Variants in ADGRB1 observed in about 807,000 individuals in gnomAD.
The protein encoded by ADGRB1 is brain-specific angiogenesis inhibitor 1.
Under a neutral mutation model 175.7 loss-of-function variants are expected in ADGRB1, and 36 were observed. The ratio of observed to expected loss-of-function variants is 0.20; its 90% confidence interval spans 0.16 to 0.27. The LOEUF (loss-of-function observed/expected upper bound fraction) is 0.27. ADGRB1 is among the 10% of genes least tolerant of loss of function. The pLI is 1.00. For synonymous variants in ADGRB1, 1,054 were observed against 979.4 expected (o/e 1.08, Z -1.42); for missense variants, 1,731 against 2,255.3 (o/e 0.77, Z 4.71).
rs568362718 is a variant in ADGRB1, at chr8:142,544,697, C to T, written c.*280C>T. The T allele has an allele frequency of 1.5e-4, 45 of 305,226 alleles. No homozygotes were observed. Among genetic ancestry groups the T allele is most frequent in the Admixed American group, 4.2e-4 (8 of 19,242 alleles). The allele number at this position is 305,226 out of a possible 1,614,324, so 18.9% of individuals were successfully genotyped here. ...GAGGCCCAGCGGGCAGATGGGCGGA[C>T]GGCTGTGGACCGTGGACAGGCCCAG... On this transcript the variant is annotated 3_prime_UTR_variant, in exon 31 of 31. Coordinates refer to ENST00000517894, the MANE Select transcript of ADGRB1 (RefSeq NM_001702.3).
At chr8:142,488,936 G>C in intron 14 of ADGRB1, 99 bp from the exon 15 acceptor site, 1 of 1,399,078 alleles carries the variant, frequency 7.1e-7, no homozygotes, top group South Asian at 1.3e-5. Flanking sequence ...TTGAAGATGG[G>C]CGGCAGATGC....
At chr8:142,470,092 G>A (rs1451139327) in intron 2 of ADGRB1, among the ~76,000 whole-genome samples, 3 of 152,154 alleles carry the variant, frequency 2.0e-5, no homozygotes, top group East Asian at 1.9e-4. Context: ...ACATGGCCAC[G>A]TCACGCGTCA....
chr8:142,535,694 G>A (rs1001292999), intron 25 of ADGRB1, among the ~76,000 whole-genome samples: 8 of 152,180 alleles, frequency 5.3e-5, no homozygotes, highest in Non-Finnish European at 7.4e-5. Context: ...AGGCTGGCTC[G>A]GGTGTTCCTG....
intron 6 of ADGRB1, among the ~76,000 whole-genome samples, chr8:142,477,791 A>AG (rs886219616): frequency 6.6e-6 from 1 of 151,896 alleles, no homozygotes; most frequent in African/African-American, 2.4e-5. Context: ...CCCATATCCC[A>AG]GGCTGGATGT....
At chr8:142,480,554 G>A (rs1035266289) in intron 9 of ADGRB1, among the ~76,000 whole-genome samples, 1 of 152,238 alleles carries the variant, frequency 6.6e-6, no homozygotes, top group Non-Finnish European at 1.5e-5. Flanking sequence ...AAAGAAGCAC[G>A]TGAATGCCGC....
intron 24 of ADGRB1, among the ~76,000 whole-genome samples, chr8:142,530,213 T>C (rs1219019820): frequency 6.6e-6 from 1 of 151,866 alleles, no homozygotes; most frequent in Non-Finnish European, 1.5e-5. Context: ...AATGTGTTTA[T>C]AGGTGAGTGT....
At position 142,484,776 on chromosome 8, in the gene ADGRB1, C is replaced by T. The variant is rs373154706; in HGVS notation, c.2308+12C>T. On this transcript the variant is annotated intron_variant, in intron 13 of 30. Coordinates refer to ENST00000517894, the MANE Select transcript of ADGRB1 (RefSeq NM_001702.3). Reference sequence around the variant, plus strand: ...GACAGACAACCTGGGTAAGCCTGCCCGCCTGCTGCCACCCCCCATGCCTTG... The same window carrying T: ...GACAGACAACCTGGGTAAGCCTGCCTGCCTGCTGCCACCCCCCATGCCTTG... 1.4e-5 allele frequency: 22 copies of T among 1,565,594 alleles called. No individual in the cohort carries two copies. The highest frequency in any genetic ancestry group is 1.2e-4 in the East Asian group (5 of 43,256).
rs925230900 is a variant in ADGRB1, at chr8:142,542,775, C to T, written c.4413+128C>T. ...GCTGGCTCTGCCTCCTAGCTACACC[C>T]CCCACCCCTGGCCCTGCTGGGTGTG... On this transcript the variant is annotated intron_variant, in intron 28 of 30. Transcript: ENST00000517894. The surrounding 1 kb of genome is among the most constrained non-coding windows in gnomAD (Gnocchi z 6.3). The T allele has an allele frequency of 4.7e-6, 4 of 846,580 alleles. No homozygotes were observed. In the African/African-American group the frequency reaches 5.4e-5, roughly 11 times the overall value. The allele number at this position is 846,580 out of a possible 1,614,324, so 52.4% of individuals were successfully genotyped here.
rs756113756 is a variant in ADGRB1, at chr8:142,510,994, C to T, written c.2738C>T (p.Pro913Leu). ...PWSWRGCRTV[P>L]LDALRTRCLC... is the part of the protein sequence containing the mutation. ...TCGTGGCGCGGCTGCCGCACGGTGC[C>T]CCTCGACGCCCTCCGGACGCGCTGC... is the stretch of plus-strand genomic sequence containing the variant. Residue 913 changes from proline to leucine, a missense_variant, in exon 18 of 31, where the codon CCC (proline) becomes CTC (leucine). Physicochemically the swap from Pro to Leu is moderately conservative, Grantham distance 98. This residue lies in a region of ADGRB1 where 77 missense variants were observed against 71.6 expected (regional missense o/e 1.08). Coordinates refer to ENST00000517894, the MANE Select transcript of ADGRB1 (RefSeq NM_001702.3). The surrounding 1 kb of genome is among the most constrained non-coding windows in gnomAD (Gnocchi z 6.3). 5 of 1,322,230 alleles carry T rather than the reference C, an allele frequency of 3.8e-6. No individual in the cohort carries two copies. Among genetic ancestry groups the T allele is most frequent in the Non-Finnish European group, 2.9e-6 (3 of 1,019,636 alleles). The allele number at this position is 1,322,230 out of a possible 1,614,324, so 81.9% of individuals were successfully genotyped here. A position where few individuals can be genotyped will look rare whatever the true frequency, so the allele number is the denominator to read the frequency against.
Position 142,486,914 on chromosome 8 carries a change from G to A in ADGRB1, c.2309-1450G>A, listed in dbSNP as rs1391946736. Among the ~76,000 whole-genome samples, 4 of 152,224 alleles carry A rather than the reference G, an allele frequency of 2.6e-5. No homozygotes were observed. In the South Asian group the frequency reaches 8.3e-4, roughly 32 times the overall value. ...GTGCACCTTTAGTCCCTGCTACTAG[G>A]GAGGCTGAGGTGGGAGGATCGCTTG... On this transcript the variant is annotated intron_variant, in intron 13 of 30. Coordinates refer to ENST00000517894, the MANE Select transcript of ADGRB1 (RefSeq NM_001702.3).
Position 142,488,527 on chromosome 8 carries a change from G to A in ADGRB1, c.2452+20G>A. Reference sequence around the variant, plus strand: ...TGACAGGTGAGGGGCCCAGGGAGTGGAGGGGGACCTTCATGGGGGACGTGG... The same window carrying A: ...TGACAGGTGAGGGGCCCAGGGAGTGAAGGGGGACCTTCATGGGGGACGTGG... On this transcript the variant is annotated intron_variant, in intron 14 of 30. Coordinates refer to ENST00000517894, the MANE Select transcript of ADGRB1 (RefSeq NM_001702.3). The A allele has an allele frequency of 6.2e-6, 10 of 1,607,926 alleles. No homozygotes were observed. The highest frequency in any genetic ancestry group is 8.5e-6 in the Non-Finnish European group (10 of 1,176,180).
In ADGRB1 at chr8:142,493,141, CA is replaced by C. The variant is rs1431103035; in HGVS notation, c.2675+2327del. On this transcript the variant is annotated intron_variant, in intron 17 of 30. Coordinates refer to ENST00000517894, the MANE Select transcript of ADGRB1 (RefSeq NM_001702.3). This position sits in a 1 kb window ranked among gnomAD's most constrained non-coding sequence, Gnocchi z 5.0. Reference sequence around the variant, plus strand: ...AGGGTGTGGGCCCCTGGGGGGCCTGCAGAGTAAATTGCTTTTTAGAAAGGAA... The same window carrying C: ...AGGGTGTGGGCCCCTGGGGGGCCTGCGAGTAAATTGCTTTTTAGAAAGGAA... 6.6e-6 allele frequency among the ~76,000 whole-genome samples: 1 copy of C among 151,990 alleles called. No homozygotes were observed. The highest frequency in any genetic ancestry group is 2.4e-5 in the African/African-American group (1 of 41,376).
At chr8:142,518,497 G>A (rs1414696021) in intron 19 of ADGRB1, among the ~76,000 whole-genome samples, 1 of 152,158 alleles carries the variant, frequency 6.6e-6, no homozygotes, top group African/African-American at 2.4e-5. Flanking sequence ...TTCCTCCCCT[G>A]AACGTGCCCC....
Position 142,475,556 on chromosome 8 carries a change from G to A in ADGRB1, c.867G>A (p.Leu289=), listed in dbSNP as rs1236345772. 1.0e-5 allele frequency: 13 copies of A among 1,279,100 alleles called. No individual in the cohort carries two copies. The highest frequency in any genetic ancestry group is 1.3e-5 in the Non-Finnish European group (13 of 1,012,994). The allele number at this position is 1,279,100 out of a possible 1,614,324, so 79.2% of individuals were successfully genotyped here. Residue 289 remains leucine (L), a synonymous_variant, in exon 3 of 31, where the codon CTG becomes CTA. Coordinates refer to ENST00000517894, the MANE Select transcript of ADGRB1 (RefSeq NM_001702.3). ...TCCAGACGCGGACGCGCACCTGCCT[G>A]CCCGCGCCGGGCGTGGAGGGCGGCG... ...GGLQTRTRTC[L]PAPGVEGGGC...
In ADGRB1 at chr8:142,496,745, G is replaced by T. The variant is rs138906401; in HGVS notation, c.2675+5930G>T. On this transcript the variant is annotated intron_variant, in intron 17 of 30. Transcript: ENST00000517894. ...GAGCGGGGATGTTAGTACAAGCCGG[G>T]CCACAGACCTGAAGCCCTTACCATG... Among the ~76,000 whole-genome samples the T allele has an allele frequency of 5.3e-3, 811 of 152,276 alleles. 10 individuals carry two copies. The highest frequency in any genetic ancestry group is 0.018 in the African/African-American group (752 of 41,546).
At chr8:142,518,386 C>T (rs1163194927) in intron 19 of ADGRB1, 145 bp downstream of exon 19, 3 of 774,918 alleles carry the variant, frequency 3.9e-6, no homozygotes, top group African/African-American at 1.8e-5. Context: ...TGCCACGGAA[C>T]CAGCCATGCT....
intron 18 of ADGRB1, among the ~76,000 whole-genome samples, chr8:142,512,969 G>A (rs528489493): frequency 7.2e-5 from 11 of 152,100 alleles, no homozygotes; most frequent in African/African-American, 2.4e-4. Flanking sequence ...GGACAGCAGC[G>A]GGGGGCGGGG....
chr8:142,460,452 A>C (rs960481726), intron 1 of ADGRB1, among the ~76,000 whole-genome samples: 1 of 152,190 alleles, frequency 6.6e-6, no homozygotes, highest in Non-Finnish European at 1.5e-5. Flanking sequence ...GCCTCTCCCA[A>C]GGCCTGGGCG....
At chr8:142,471,901 C>T (rs1465077111) in intron 2 of ADGRB1, among the ~76,000 whole-genome samples, 1 of 152,228 alleles carries the variant, frequency 6.6e-6, no homozygotes, top group Admixed American at 6.5e-5. Flanking sequence ...GGGCCCTGGT[C>T]TAGGTCTCAG....
Sources: gnomAD v4.1 joint callset for allele counts (sites outside exome capture counted in the v4.1 genomes callset) on GRCh38, gnomAD v4.1.1 for gene constraint, gnomAD v4.1.1 regional missense constraint, Gnocchi (gnomAD v3.1) non-coding constraint, MANE v1.5 for transcripts, NCBI Gene and HGNC (gene_info 2026-07-23, HGNC 2026-07-21) for gene names.